Variants in LNX2 observed in about 807,000 individuals in gnomAD.
LNX2 encodes ligand of Numb protein X 2.
LNX2 carries 35 observed loss-of-function variants against 66.2 expected under a neutral mutation model. The observed-to-expected ratio is 0.53, with a 90% confidence interval of 0.40 to 0.70. LNX2 has a LOEUF of 0.70. Among genes scored for constraint, LNX2 ranks in the 30% least tolerant of loss-of-function variants. The pLI, the probability that LNX2 is intolerant of heterozygous loss-of-function variation, is 0.00. For synonymous variants in LNX2, 337 were observed against 315.6 expected (o/e 1.07, Z -0.72); for missense variants, 791 against 850.8 (o/e 0.93, Z 0.87).
chr13:27,583,228 GTGTGTGTGTGTGTGTGTGTGTGTGTGTGC>G (rs1955432772), intron 1 of LNX2, among the ~76,000 whole-genome samples: 2 of 27,838 alleles, frequency 7.2e-5, no homozygotes, highest in Admixed American at 3.1e-4. Flanking sequence ...GTGTGTGTGT[GTGTGTGTGTGTGTGTGTGTGTGTGTGTGC>G]GCGCGTCCTC....
At chr13:27,588,059 G>C in intron 1 of LNX2, among the ~76,000 whole-genome samples, 1 of 130,136 alleles carries the variant, frequency 7.7e-6, no homozygotes, top group African/African-American at 2.9e-5. Context: ...AAGCAGTGCT[G>C]TCAAACTTGT....
intron 4 of LNX2, among the ~76,000 whole-genome samples, chr13:27,566,092 T>C (rs1006423784): frequency 1.3e-5 from 2 of 152,222 alleles, no homozygotes; most frequent in Admixed American, 1.3e-4. Flanking sequence ...TGGTTGCAAT[T>C]ACCTTAGATC....
At chr13:27,610,868 T>A (rs957102869) in intron 1 of LNX2, among the ~76,000 whole-genome samples, 1 of 152,086 alleles carries the variant, frequency 6.6e-6, no homozygotes, top group African/African-American at 2.4e-5. Flanking sequence ...AAGTTCAGCA[T>A]CACTAATCCC....
At chr13:27,583,209 T>TGGGCGCGCGC (rs1566124679) in intron 1 of LNX2, among the ~76,000 whole-genome samples, 1 of 28,838 alleles carries the variant, frequency 3.5e-5, no homozygotes, top group African/African-American at 1.3e-4. Flanking sequence ...TGTGTGTGTG[T>TGGGCGCGCGC]GTGTGTGTGT....
chr13:27,569,916 AT>A (rs1384229822), intron 2 of LNX2, among the ~76,000 whole-genome samples: 1 of 152,234 alleles, frequency 6.6e-6, no homozygotes, highest in Non-Finnish European at 1.5e-5. Flanking sequence ...TGAAGAATAT[AT>A]TCCAAGTACT....
intron 1 of LNX2, among the ~76,000 whole-genome samples, chr13:27,600,540 AC>A (rs1955646091): frequency 6.6e-6 from 1 of 152,202 alleles, no homozygotes; most frequent in Non-Finnish European, 1.5e-5. Flanking sequence ...TATATAAGAT[AC>A]TGGGTGAGCA....
chr13:27,560,707 A>C (rs1246404601), intron 5 of LNX2, among the ~76,000 whole-genome samples: 1 of 151,914 alleles, frequency 6.6e-6, no homozygotes, highest in Non-Finnish European at 1.5e-5. Context: ...TACATTGGTT[A>C]CATTTTTACA....
intron 1 of LNX2, among the ~76,000 whole-genome samples, chr13:27,588,007 C>T (rs547635117): frequency 1.3e-4 from 14 of 111,824 alleles, no homozygotes; most frequent in African/African-American, 2.9e-4. Context: ...GGCAAGAGTG[C>T]GAGACTCTTG....
rs577903313 is a variant in LNX2, at chr13:27,561,408, C to T, written c.1224+1005G>A. Among the ~76,000 whole-genome samples, 5 of 152,230 alleles carry T rather than the reference C, an allele frequency of 3.3e-5. No individual in the cohort carries two copies. In the East Asian group the frequency reaches 9.6e-4, roughly 29 times the overall value. ...TCCCTCCCACTAATCTCCACTCTTA[C>T]AAGATGAGCTGGGTTTTAGTGGTGC... On this transcript the variant is annotated intron_variant, in intron 5 of 9. Coordinates refer to ENST00000316334, the MANE Select transcript of LNX2 (RefSeq NM_153371.4).
intron 1 of LNX2, among the ~76,000 whole-genome samples, chr13:27,606,937 G>A (rs1485762699): frequency 6.6e-6 from 1 of 152,154 alleles, no homozygotes; most frequent in East Asian, 1.9e-4. Flanking sequence ...ATTTTATGGA[G>A]CACTAAAAAT....
At chr13:27,600,853 G>A (rs1466599331) in intron 1 of LNX2, among the ~76,000 whole-genome samples, 1 of 152,176 alleles carries the variant, frequency 6.6e-6, no homozygotes, top group Non-Finnish European at 1.5e-5. Context: ...CCAGGGACAT[G>A]TGATGCTTTA....
chr13:27,618,726 T>G (rs1438602973), intron 1 of LNX2, among the ~76,000 whole-genome samples: 1 of 152,376 alleles, frequency 6.6e-6, no homozygotes, highest in African/African-American at 2.4e-5. Flanking sequence ...TGTCCCTGAC[T>G]ACTACCTCCA....
intron 1 of LNX2, among the ~76,000 whole-genome samples, chr13:27,603,962 A>AG (rs1440960944): frequency 6.6e-6 from 1 of 151,958 alleles, no homozygotes; most frequent in East Asian, 1.9e-4. Flanking sequence ...CCCTTAAAAA[A>AG]AAAAAAAAAA....
At chr13:27,605,719 A>G (rs1955707453) in intron 1 of LNX2, among the ~76,000 whole-genome samples, 1 of 152,194 alleles carries the variant, frequency 6.6e-6, no homozygotes, top group Non-Finnish European at 1.5e-5. Flanking sequence ...TAACTACTGA[A>G]TGAAACTTAA....
At position 27,559,906 on chromosome 13, in the gene LNX2, T is replaced by C. The variant is rs753330806; in HGVS notation, c.1304A>G (p.Asn435Ser). Residue 435 changes from asparagine to serine, a missense_variant, in exon 6 of 10, where the codon AAT (asparagine) becomes AGT (serine). By Grantham distance (46) the Asn-to-Ser change is conservative. Coordinates refer to ENST00000316334, the MANE Select transcript of LNX2 (RefSeq NM_153371.4). ...GTGGTGCTGGCTGCTGCTGCTATGA[T>C]TTCCTGCTTCTCTAATGGTGTTACC... is the stretch of plus-strand genomic sequence containing the variant. The part of the protein sequence containing the change: ...QPGNTIREAG[N>S]HSSSSQHHTP... The C allele has an allele frequency of 6.2e-7, 1 of 1,612,186 alleles. No homozygotes were observed. The highest frequency in any genetic ancestry group is 1.1e-5 in the South Asian group (1 of 90,968).
intron 1 of LNX2, among the ~76,000 whole-genome samples, chr13:27,619,836 T>C (rs940664420): frequency 3.9e-5 from 6 of 152,172 alleles, no homozygotes; most frequent in Non-Finnish European, 7.4e-5. Flanking sequence ...CCCTGGAAGA[T>C]GTCAAATCTC....
intron 1 of LNX2, among the ~76,000 whole-genome samples, chr13:27,614,649 C>T (rs1955808019): frequency 6.6e-6 from 1 of 152,080 alleles, no homozygotes; most frequent in Non-Finnish European, 1.5e-5. Context: ...TCTATCTGGG[C>T]AGTAGGCAGG....
intron 1 of LNX2, among the ~76,000 whole-genome samples, chr13:27,588,813 A>C (rs910082302): frequency 1.3e-5 from 2 of 152,188 alleles, no homozygotes; most frequent in Non-Finnish European, 2.9e-5. Flanking sequence ...AATAAAAAAA[A>C]CAAACCCAGT....
At chr13:27,602,624 A>C (rs116286782) in intron 1 of LNX2, among the ~76,000 whole-genome samples, 71 of 152,236 alleles carry the variant, frequency 4.7e-4, no homozygotes, top group African/African-American at 1.6e-3. Context: ...GGCTGTTTCC[A>C]GTTTTTGGTG....
Sources: allele counts gnomAD v4.1 joint callset (sites outside exome capture counted in the v4.1 genomes callset), GRCh38; gene constraint gnomAD v4.1.1; transcripts MANE v1.5; gene names NCBI Gene and HGNC (gene_info 2026-07-23, HGNC 2026-07-21).